Variants in ADAM23 observed in about 807,000 individuals in gnomAD.
The protein encoded by ADAM23 is disintegrin and metalloproteinase domain-containing protein 23.
Under a neutral mutation model 120.1 loss-of-function variants are expected in ADAM23, and 33 were observed. The observed-to-expected ratio is 0.27, with a 90% CI of 0.21 to 0.37. ADAM23 has a LOEUF of 0.37. Ranked by LOEUF, ADAM23 falls within the 10% of genes least tolerant of loss-of-function variation. The pLI, the probability that ADAM23 is intolerant of heterozygous loss-of-function variation, is 1.00. For synonymous variants in ADAM23, 367 were observed against 375.2 expected (o/e 0.98, Z 0.25); for missense variants, 862 against 1,058.2 (o/e 0.81, Z 2.57).
chr2:206,469,764 A>C (rs1205596033), intron 2 of ADAM23, among the ~76,000 whole-genome samples: 1 of 151,990 alleles, frequency 6.6e-6, no homozygotes, highest in East Asian at 1.9e-4. Context: ...CTTGACCCAC[A>C]CTGGCCTTTT....
intron 4 of ADAM23, among the ~76,000 whole-genome samples, chr2:206,540,739 A>G (rs55775084): frequency 0.06 from 9,151 of 152,000 alleles, 381 homozygotes; most frequent in Admixed American, 0.15. Context: ...GCATCTGAAA[A>G]AAGAAAAATT....
intron 3 of ADAM23, among the ~76,000 whole-genome samples, chr2:206,496,715 T>C (rs1696256857): frequency 6.6e-6 from 1 of 152,150 alleles, no homozygotes; most frequent in African/African-American, 2.4e-5. Flanking sequence ...ATCCAGGAGC[T>C]GGTTTTTTGA....
rs983273542 is a variant in ADAM23, at chr2:206,620,448, T to C, written c.*2821T>C. ...AATGGATTATAATTATTTTTGATGG[T>C]ATTAGGTTATGTAGTTTCAAACTCT... On this transcript the variant is annotated 3_prime_UTR_variant, in exon 26 of 26. Coordinates refer to ENST00000264377, the MANE Select transcript of ADAM23 (RefSeq NM_003812.4). 4.2e-4 allele frequency: 64 copies of C among 152,204 alleles called. No homozygotes were observed. Among genetic ancestry groups the C allele is most frequent in the African/African-American group, 1.5e-3 (64 of 41,462 alleles). The allele number at this position is 152,204 out of a possible 1,614,324, so 9.4% of individuals were successfully genotyped here. A position where few individuals can be genotyped will look rare whatever the true frequency, so the allele number is the denominator to read the frequency against.
chr2:206,530,662 G>T (rs1487963845), intron 3 of ADAM23, among the ~76,000 whole-genome samples: 1 of 133,094 alleles, frequency 7.5e-6, no homozygotes, highest in Non-Finnish European at 1.6e-5. Flanking sequence ...GATTGTCTGT[G>T]TCTTGTCTTT....
At chr2:206,616,036 C>G (rs1470680622) in intron 25 of ADAM23, among the ~76,000 whole-genome samples, 1 of 152,178 alleles carries the variant, frequency 6.6e-6, no homozygotes, top group Non-Finnish European at 1.5e-5. Context: ...TGAGTTCTAG[C>G]AATACATAGC....
At chr2:206,608,244 G>T (rs956403126) in intron 24 of ADAM23, among the ~76,000 whole-genome samples, 1 of 152,178 alleles carries the variant, frequency 6.6e-6, no homozygotes, top group African/African-American at 2.4e-5. Context: ...AAATGAATGT[G>T]CATGGCTATG....
chr2:206,525,074 T>C (rs1194646509), intron 3 of ADAM23, among the ~76,000 whole-genome samples: 1 of 152,194 alleles, frequency 6.6e-6, no homozygotes, highest in East Asian at 1.9e-4. Flanking sequence ...TGTATGTCTG[T>C]TGTCCTGGCA....
At chr2:206,570,462 T>C (rs1023203007) in intron 15 of ADAM23, among the ~76,000 whole-genome samples, 2 of 152,184 alleles carry the variant, frequency 1.3e-5, no homozygotes, top group African/African-American at 4.8e-5. Context: ...ACAGCTTGTC[T>C]CCATGAAAAG....
intron 3 of ADAM23, among the ~76,000 whole-genome samples, chr2:206,522,472 A>G (rs1435475526): frequency 6.6e-6 from 1 of 152,136 alleles, no homozygotes; most frequent in East Asian, 1.9e-4. Context: ...TGAAAAAAGT[A>G]AAGAAAAAAG....
chr2:206,587,206 G>A (rs1312092868), intron 18 of ADAM23, 119 bp from the exon 19 acceptor site: 2 of 650,128 alleles, frequency 3.1e-6, no homozygotes, highest in Non-Finnish European at 5.2e-6. Context: ...GGAGTTGCAT[G>A]TGTTTTTCTC....
At chr2:206,548,473 A>C in intron 8 of ADAM23, 119 bp downstream of exon 8, 2 of 918,736 alleles carry the variant, frequency 2.2e-6, no homozygotes, top group East Asian at 2.5e-5. Flanking sequence ...GTTGTTTAAA[A>C]ATGAAAACAA....
intron 14 of ADAM23, among the ~76,000 whole-genome samples, chr2:206,566,819 G>A (rs1031980139): frequency 1.3e-5 from 2 of 149,958 alleles, no homozygotes; most frequent in Non-Finnish European, 1.5e-5. Flanking sequence ...AATCTAGTAC[G>A]TTCATGAGCT....
intron 3 of ADAM23, among the ~76,000 whole-genome samples, chr2:206,516,755 C>A (rs1019738635): frequency 6.6e-6 from 1 of 152,110 alleles, no homozygotes; most frequent in African/African-American, 2.4e-5. Context: ...TGAAGGATTT[C>A]AGCTATTCGT....
rs35626987 is a variant in ADAM23, at chr2:206,543,750, TACAC to T, written c.720+451_720+454del. 1.5e-4 allele frequency among the ~76,000 whole-genome samples: 22 copies of T among 149,988 alleles called. No homozygotes were observed. In the South Asian group the frequency reaches 1.9e-3, roughly 13 times the overall value. ...CAGCAAGTAGATAAGTAAAATGTGA[TACAC>T]ACACACACACACACACGCACACGCA... On this transcript the variant is annotated intron_variant, in intron 6 of 25. Transcript: ENST00000264377.
chr2:206,506,020 T>G (rs559685104), intron 3 of ADAM23, among the ~76,000 whole-genome samples: 1 of 152,330 alleles, frequency 6.6e-6, no homozygotes, highest in South Asian at 2.1e-4. Flanking sequence ...CCAGCCCTTT[T>G]TTAGTTGTGT....
At chr2:206,599,076 G>A (rs537676619) in intron 24 of ADAM23, among the ~76,000 whole-genome samples, 27 of 150,062 alleles carry the variant, frequency 1.8e-4, no homozygotes, top group African/African-American at 5.4e-4. Flanking sequence ...ATGGTGGTGC[G>A]TGCCTGTAGT....
At position 206,457,263 on chromosome 2, in the gene ADAM23, G is replaced by T. The variant is rs545953411; in HGVS notation, c.432+11739G>T. On this transcript the variant is annotated intron_variant, in intron 2 of 25. Transcript: ENST00000264377. ...GTCCTTGCAGCATAACTGCCAAGATGATTATTATTTCTGTGTTCTGGATGA... is the reference window on the plus strand; with the variant it reads ...GTCCTTGCAGCATAACTGCCAAGATTATTATTATTTCTGTGTTCTGGATGA... 3.9e-5 allele frequency among the ~76,000 whole-genome samples: 6 copies of T among 152,272 alleles called. No homozygotes were observed. The East Asian group carries it at 9.6e-4, about 24-fold the overall frequency.
intron 2 of ADAM23, among the ~76,000 whole-genome samples, chr2:206,450,459 C>T (rs1226918306): frequency 6.6e-6 from 1 of 152,144 alleles, no homozygotes; most frequent in Non-Finnish European, 1.5e-5. Flanking sequence ...TGATTGAACA[C>T]TTATATGTTA....
chr2:206,482,281 A>T (rs1054092294), intron 3 of ADAM23, among the ~76,000 whole-genome samples: 3 of 152,198 alleles, frequency 2.0e-5, no homozygotes, highest in Admixed American at 2.0e-4. Flanking sequence ...AGAATTGCCT[A>T]TGTAAAGGTA....
Sources: allele counts gnomAD v4.1 joint callset (sites outside exome capture counted in the v4.1 genomes callset), GRCh38; gene constraint gnomAD v4.1.1; transcripts MANE v1.5; gene names NCBI Gene and HGNC (gene_info 2026-07-23, HGNC 2026-07-21).